Variants in ARID2 observed in about 807,000 individuals in gnomAD.
ARID2 encodes AT-rich interaction domain 2.
In ARID2, 32 loss-of-function variants were observed where a neutral mutation model predicts 184.6. The observed-to-expected ratio is 0.17, with a 90% CI of 0.13 to 0.23. The LOEUF is 0.23. Among genes scored for constraint, ARID2 ranks in the 10% least tolerant of loss-of-function variants. The probability of loss-of-function intolerance (pLI) is 1.00; values close to 1 mark genes in which losing one functional copy is unlikely to be tolerated. For missense variants in ARID2, 1,696 were observed against 2,197.6 expected (o/e 0.77, Z 4.56); for synonymous variants, 836 against 772.6 (o/e 1.08, Z -1.36).
chr12:45,899,105 C>G (rs1422298224), intron 20 of ARID2, among the ~76,000 whole-genome samples: 1 of 150,266 alleles, frequency 6.7e-6, no homozygotes, highest in African/African-American at 2.5e-5. Flanking sequence ...AACCCCATCT[C>G]TACTAAAAAT....
intron 3 of ARID2, among the ~76,000 whole-genome samples, chr12:45,755,118 A>G (rs1043274320): frequency 9.9e-5 from 15 of 152,220 alleles, no homozygotes; most frequent in African/African-American, 3.6e-4. Flanking sequence ...GGTGGAATAT[A>G]AGACCTGGAC....
chr12:45,858,959 C>G (rs1449456653), intron 15 of ARID2, among the ~76,000 whole-genome samples: 1 of 152,190 alleles, frequency 6.6e-6, no homozygotes, highest in African/African-American at 2.4e-5. Flanking sequence ...TCTTGACTTC[C>G]CATTTCTGAC....
chr12:45,749,661 A>G lies in ARID2; in HGVS notation c.284+18347A>G, dbSNP rs2080752. Among the ~76,000 whole-genome samples the G allele has an allele frequency of 7.4e-3, 1,122 of 152,296 alleles. 12 individuals carry two copies. Among genetic ancestry groups the G allele is most frequent in the African/African-American group, 0.026 (1,067 of 41,564 alleles). ...TCTGTTGTTTAGTGTAGCCAGTTCT[A>G]TCATTTACCTTAGCTAGATCTTCTG... is the stretch of plus-strand genomic sequence containing the variant. On this transcript the variant is annotated intron_variant, in intron 3 of 20. Coordinates refer to ENST00000334344, the MANE Select transcript of ARID2 (RefSeq NM_152641.4).
intron 20 of ARID2, among the ~76,000 whole-genome samples, chr12:45,895,013 TCCTTC>T (rs1329887958): frequency 6.6e-6 from 1 of 152,206 alleles, no homozygotes; most frequent in East Asian, 1.9e-4. Flanking sequence ...TATCTGCTTA[TCCTTC>T]ATGATTCAGT....
At chr12:45,861,593 T>G (rs1384903401) in intron 16 of ARID2, among the ~76,000 whole-genome samples, 2 of 149,296 alleles carry the variant, frequency 1.3e-5, no homozygotes, top group Non-Finnish European at 1.5e-5. Context: ...TTTTTTTTTT[T>G]TTTTTTTTGG....
rs762887418 is a variant in ARID2 at position 45,891,823 on chromosome 12, G to C, written c.4966G>C (p.Glu1656Gln). 1 of 1,614,146 alleles carries C rather than the reference G, an allele frequency of 6.2e-7. No homozygotes were observed. The highest frequency in any genetic ancestry group is 1.7e-5 in the Admixed American group (1 of 60,030). ...PSQVFYHAATEHGGKDVYPGQ... is the reference protein window; with the variant it reads ...PSQVFYHAATQHGGKDVYPGQ... Reference sequence around the variant, plus strand: ...ACAGGTTTTCTACCATGCAGCAACTGAACATGGAGGAAAAGATGTATATCC... The same window carrying C: ...ACAGGTTTTCTACCATGCAGCAACTCAACATGGAGGAAAAGATGTATATCC... Residue 1656 changes from glutamate (E) to glutamine (Q), a missense_variant, in exon 17 of 21, where the codon GAA becomes CAA. This residue lies in a region of ARID2 where 16 missense variants were observed against 50.3 expected (regional missense o/e 0.32). Coordinates refer to ENST00000334344, the MANE Select transcript of ARID2 (RefSeq NM_152641.4).
At chr12:45,744,778 A>G (rs1236214598) in intron 3 of ARID2, among the ~76,000 whole-genome samples, 3 of 152,236 alleles carry the variant, frequency 2.0e-5, no homozygotes, top group Non-Finnish European at 4.4e-5. Context: ...AATCACAGTC[A>G]GAAATCTTAT....
intron 3 of ARID2, chr12:45,789,414 C>G (rs1242693796): frequency 6.6e-6 from 1 of 152,080 alleles, no homozygotes; most frequent in Non-Finnish European, 1.5e-5. Context: ...GCATTGTTGT[C>G]AAAAGATGTG....
intron 11 of ARID2, chr12:45,840,219 C>A (rs2138139350): frequency 6.6e-6 from 1 of 152,276 alleles, no homozygotes; most frequent in Non-Finnish European, 1.5e-5. Context: ...ACCTACCCTT[C>A]CATTTCCTAT....
At chr12:45,811,222 A>G (rs1942701588) in intron 3 of ARID2, among the ~76,000 whole-genome samples, 196 bp from the exon 4 acceptor site, 1 of 152,012 alleles carries the variant, frequency 6.6e-6, no homozygotes, top group Admixed American at 6.6e-5. Context: ...AAAAAAAAAA[A>G]GAACCATTGC....
chr12:45,808,268 A>T (rs773841270), intron 3 of ARID2, among the ~76,000 whole-genome samples: 3 of 152,176 alleles, frequency 2.0e-5, no homozygotes, highest in Non-Finnish European at 4.4e-5. Flanking sequence ...AATACTTTTT[A>T]GTTTTTAGAA....
chr12:45,858,400 T>C (rs769881427), intron 15 of ARID2, among the ~76,000 whole-genome samples: 1 of 152,174 alleles, frequency 6.6e-6, no homozygotes, highest in African/African-American at 2.4e-5. Flanking sequence ...TTTTATACTT[T>C]CCTTGCTCTT....
chr12:45,834,282 G>T, intron 6 of ARID2, among the ~76,000 whole-genome samples: 2 of 148,332 alleles, frequency 1.3e-5, no homozygotes, highest in Non-Finnish European at 1.5e-5. Context: ...TCTACCCCAT[G>T]ACTTTTTGAA....
At chr12:45,823,099 A>C (rs1270523630) in intron 6 of ARID2, among the ~76,000 whole-genome samples, 1 of 152,138 alleles carries the variant, frequency 6.6e-6, no homozygotes, top group African/African-American at 2.4e-5. Context: ...ATGTTTAAAA[A>C]TTGAAATAGT....
rs1021621235 is a variant in ARID2, at chr12:45,837,800, A to G, written c.1330+93A>G. ...AACCCTCAATTTATATTTGAGGTTT[A>G]GTGTTTTATTTTGAAGAGTCATTAC... On this transcript the variant is annotated intron_variant, in intron 10 of 20. Coordinates refer to ENST00000334344, the MANE Select transcript of ARID2 (RefSeq NM_152641.4). 7.8e-5 allele frequency: 94 copies of G among 1,207,480 alleles called. No homozygotes were observed. The highest frequency in any genetic ancestry group is 1.0e-4 in the Non-Finnish European group (92 of 878,832). 74.8% of individuals were successfully genotyped at this position (1,207,480 alleles called of 1,614,324 possible). A position where few individuals can be genotyped will look rare whatever the true frequency, so the allele number is the denominator to read the frequency against.
chr12:45,765,728 C>T, intron 3 of ARID2, among the ~76,000 whole-genome samples: 1 of 151,948 alleles, frequency 6.6e-6, no homozygotes, highest in East Asian at 1.9e-4. Flanking sequence ...ATAAAGTATA[C>T]AATTTGGTAG....
At position 45,757,357 on chromosome 12, in the gene ARID2, A is replaced by G. The variant is rs1029796383; in HGVS notation, c.284+26043A>G. 2.6e-5 allele frequency among the ~76,000 whole-genome samples: 4 copies of G among 152,166 alleles called. No homozygotes were observed. In the South Asian group the frequency reaches 8.3e-4, roughly 32 times the overall value. ...ATTTCCCAAACACATTTGAGCACAT[A>G]TTGTCCCATCTCTTCCCACTCCTGA... On this transcript the variant is annotated intron_variant, in intron 3 of 20. Transcript: ENST00000334344.
chr12:45,882,366 C>T (rs541179652), intron 16 of ARID2: 7 of 152,106 alleles, frequency 4.6e-5, no homozygotes, highest in African/African-American at 1.7e-4. Flanking sequence ...GGCTAAAGTA[C>T]GAATAATGCT....
At chr12:45,755,065 G>A (rs1274825202) in intron 3 of ARID2, among the ~76,000 whole-genome samples, 1 of 152,168 alleles carries the variant, frequency 6.6e-6, no homozygotes, top group Non-Finnish European at 1.5e-5. Flanking sequence ...TTTTAAACAT[G>A]TAAATGAACT....
Sources: gnomAD v4.1 joint callset for allele counts (sites outside exome capture counted in the v4.1 genomes callset) on GRCh38, gnomAD v4.1.1 for gene constraint, gnomAD v4.1.1 regional missense constraint, MANE v1.5 for transcripts, NCBI Gene and HGNC (gene_info 2026-07-23, HGNC 2026-07-21) for gene names.